The following ABCC3 variants were observed in gnomAD, a reference collection of about 807,000 sequenced individuals.
ABCC3 encodes the protein ATP binding cassette subfamily C member 3.
A neutral mutation model predicts 165.3 loss-of-function variants in ABCC3; 121 were observed. That is an observed-to-expected ratio of 0.73 (90% CI 0.63 to 0.85). The LOEUF (loss-of-function observed/expected upper bound fraction) is 0.85, where lower values mean the gene tolerates loss of function less well. Among genes scored for constraint, ABCC3 ranks in the 40% least tolerant of loss-of-function variants. The pLI is 0.00. For missense variants in ABCC3, 1,869 were observed against 1,964.1 expected (o/e 0.95, Z 0.92); for synonymous variants, 733 against 810.1 (o/e 0.90, Z 1.62).
intron 1 of ABCC3, among the ~76,000 whole-genome samples, chr17:50,650,905 A>G (rs1967101150): frequency 6.6e-6 from 1 of 151,920 alleles, no homozygotes; most frequent in Non-Finnish European, 1.5e-5. Context: ...TCTCTATTAA[A>G]AATACAAAAA....
intron 30 of ABCC3, among the ~76,000 whole-genome samples, chr17:50,688,234 T>C (rs1968059484): frequency 6.6e-6 from 1 of 152,106 alleles, no homozygotes; most frequent in Non-Finnish European, 1.5e-5. Flanking sequence ...TTCTAACACA[T>C]GGGGAAGGGC....
Position 50,691,151 on chromosome 17 carries a change from C to T in ABCC3, c.4535C>T (p.Ala1512Val). The T allele has an allele frequency of 6.2e-7, 1 of 1,614,212 alleles. No individual in the cohort carries two copies. Among genetic ancestry groups the T allele is most frequent in the Non-Finnish European group, 8.5e-7 (1 of 1,180,020 alleles). ...AEFDSPANLI[A>V]ARGIFYGMAR... The stretch of plus-strand genomic sequence containing the variant: ...TTTGATTCTCCAGCCAACCTCATTG[C>T]AGCTAGAGGCATCTTCTACGGGATG... Residue 1512 changes from alanine (A) to valine (V), a missense_variant, in exon 31 of 31, where the codon GCA becomes GTA. Coordinates refer to ENST00000285238, the MANE Select transcript of ABCC3 (RefSeq NM_003786.4).
chr17:50,635,184 A>G (rs528556920), intron 1 of ABCC3: 1 of 591,836 alleles, frequency 1.7e-6, no homozygotes, highest in East Asian at 3.0e-5. Context: ...GGTGTCGGGG[A>G]CCTGCCCTGC....
intron 1 of ABCC3, among the ~76,000 whole-genome samples, chr17:50,654,208 C>T (rs1196276964): frequency 6.6e-6 from 1 of 151,922 alleles, no homozygotes; most frequent in Non-Finnish European, 1.5e-5. Context: ...TAGTTATATC[C>T]TCAGGTAACA....
At chr17:50,665,608 CT>C (rs201547164) in intron 11 of ABCC3, among the ~76,000 whole-genome samples, 26,466 of 142,188 alleles carry the variant, frequency 0.19, 3,059 homozygotes, top group African/African-American at 0.33. Flanking sequence ...TGTTTTTTTT[CT>C]TTTTTTTTTT....
At chr17:50,656,080 TA>T (rs35084367) in intron 2 of ABCC3, 72 bp downstream of exon 2, 2 of 1,151,296 alleles carry the variant, frequency 1.7e-6, no homozygotes, top group African/African-American at 1.6e-5. Flanking sequence ...TTAATTTAAT[TA>T]AATTAATTAA....
At position 50,669,503 on chromosome 17, in the gene ABCC3, G is replaced by T; in HGVS notation, c.2216G>T (p.Gly739Val). The T allele has an allele frequency of 6.2e-7, 1 of 1,614,192 alleles. No homozygotes were observed. ...LLADLEMLPG[G>V]DQTEIGEKGI... ...GCTGACCTGGAGATGCTGCCTGGTG[G>T]GGATCAGACAGAGATTGGAGAGAAG... Residue 739 changes from glycine (G) to valine (V), a missense_variant, in exon 17 of 31, where the codon GGG becomes GTG. Transcript: ENST00000285238.
chr17:50,686,445 A>C (rs1968023065), intron 29 of ABCC3, among the ~76,000 whole-genome samples: 1 of 152,010 alleles, frequency 6.6e-6, no homozygotes, highest in Non-Finnish European at 1.5e-5. Context: ...TCATTATCCC[A>C]AGGGTGGGAC....
intron 6 of ABCC3, 115 bp from the exon 7 acceptor site, chr17:50,659,122 G>A (rs984503988): frequency 1.1e-5 from 15 of 1,305,134 alleles, no homozygotes; most frequent in South Asian, 2.8e-5. Flanking sequence ...CACAGTGCCC[G>A]AGGGAGACCC....
At chr17:50,658,387 G>T in intron 5 of ABCC3, 48 bp from the exon 6 acceptor site, 1 of 1,595,252 alleles carries the variant, frequency 6.3e-7, no homozygotes, top group Non-Finnish European at 8.6e-7. Flanking sequence ...TGCTTTGAGA[G>T]GGTGGTGGGC....
intron 1 of ABCC3, among the ~76,000 whole-genome samples, chr17:50,652,948 T>C (rs771558824): frequency 6.6e-6 from 1 of 152,204 alleles, no homozygotes; most frequent in Non-Finnish European, 1.5e-5. Context: ...AAGAGAACAA[T>C]TGGCACAGTG....
At chr17:50,659,107 A>T in intron 6 of ABCC3, 130 bp from the exon 7 acceptor site, 2 of 1,121,098 alleles carry the variant, frequency 1.8e-6, no homozygotes, top group South Asian at 1.6e-5. Context: ...GACACCTTTC[A>T]TGGTCACAGT....
chr17:50,687,481 C>A, intron 29 of ABCC3, 55 bp from the exon 30 acceptor site: 2 of 1,562,580 alleles, frequency 1.3e-6, no homozygotes, highest in Non-Finnish European at 8.7e-7. Context: ...GGGAATGAGG[C>A]CCAGAGGCAG....
At position 50,673,661 on chromosome 17, in the gene ABCC3, A is replaced by G. The variant is rs1967700021; in HGVS notation, c.2599+3A>G. 3 of 1,613,828 alleles carry G rather than the reference A, an allele frequency of 1.9e-6. No individual in the cohort carries two copies. Among genetic ancestry groups the G allele is most frequent in the African/African-American group, 2.7e-5 (2 of 74,900 alleles). On this transcript the variant is annotated splice_donor_region_variant and intron_variant, in intron 19 of 30. Coordinates refer to ENST00000285238, the MANE Select transcript of ABCC3 (RefSeq NM_003786.4). ...GCACCTGGAGGACAGCTGGACCGGT[A>G]TCTGCCATCCTGGGCCCTCTGATTC...
At chr17:50,675,008 C>T (rs1011525455) in intron 19 of ABCC3, among the ~76,000 whole-genome samples, 1 of 152,006 alleles carries the variant, frequency 6.6e-6, no homozygotes, top group Admixed American at 6.6e-5. Context: ...CCATGTTGGC[C>T]AGGCTGGTCT....
At position 50,684,794 on chromosome 17, in the gene ABCC3, A is replaced by G. The variant is rs1268406396; in HGVS notation, c.4199A>G (p.Glu1400Gly). The G allele has an allele frequency of 2.5e-6, 4 of 1,613,962 alleles. No homozygotes were observed. The highest frequency in any genetic ancestry group is 1.7e-5 in the Admixed American group (1 of 59,990). Residue 1400 changes from glutamate (E) to glycine (G), a missense_variant, in exon 29 of 31, where the codon GAG becomes GGG. By Grantham distance (98) the Glu-to-Gly change is moderately conservative. Coordinates refer to ENST00000285238, the MANE Select transcript of ABCC3 (RefSeq NM_003786.4). ...YSEEDIWWAL[E>G]LSHLHTFVSS... ...GAGGAGGACATTTGGTGGGCTTTGG[A>G]GCTGTCCCACCTGCACACGTTTGTG...
rs1967810009 is a variant in ABCC3 at position 50,676,407 on chromosome 17, G to A, written c.3197G>A (p.Gly1066Asp). ...TCCTTCTTTGACACCACACCATCAG[G>A]CCGCATCCTGAACTGCTTCTCCAAG... ...PQSFFDTTPS[G>D]RILNCFSKDI... The change falls in exon 23 of 31, where the codon GGC (glycine) becomes GAC (aspartate). Residue 1066 changes from glycine (G) to aspartate (D), a missense_variant. Gly to Asp is a moderately conservative substitution (Grantham distance 94). Coordinates refer to ENST00000285238, the MANE Select transcript of ABCC3 (RefSeq NM_003786.4). The A allele has an allele frequency of 6.2e-7, 1 of 1,614,196 alleles. No homozygotes were observed. Among genetic ancestry groups the A allele is most frequent in the Non-Finnish European group, 8.5e-7 (1 of 1,180,038 alleles).
chr17:50,674,659 T>C (rs964737382), intron 19 of ABCC3, among the ~76,000 whole-genome samples: 1 of 152,168 alleles, frequency 6.6e-6, no homozygotes, highest in African/African-American at 2.4e-5. Flanking sequence ...CCCCCAATTC[T>C]GGATTGGCTC....
intron 1 of ABCC3, among the ~76,000 whole-genome samples, chr17:50,648,976 G>T (rs892943021): frequency 6.6e-6 from 1 of 152,064 alleles, no homozygotes. Context: ...GCTGGGCATT[G>T]TGACACGTGC....
Sources: gnomAD v4.1 joint callset for allele counts (sites outside exome capture counted in the v4.1 genomes callset) on GRCh38, gnomAD v4.1.1 for gene constraint, MANE v1.5 for transcripts, NCBI Gene and HGNC (gene_info 2026-07-23, HGNC 2026-07-21) for gene names.